Variants in FAM217A observed in about 807,000 individuals in gnomAD.
The protein encoded by FAM217A is protein FAM217A.
A neutral mutation model predicts 18.5 loss-of-function variants in FAM217A; 13 were observed. That is an observed-to-expected ratio of 0.70 (90% CI 0.46 to 1.12). The LOEUF (loss-of-function observed/expected upper bound fraction) is 1.12. Among genes scored for constraint, FAM217A ranks in the 50% most tolerant of loss-of-function variants. The pLI is 0.00. For synonymous variants in FAM217A, 161 were observed against 202.8 expected (o/e 0.79, Z 1.75); for missense variants, 560 against 575.4 (o/e 0.97, Z 0.27).
At chr6:4,080,715 T>C (rs997067018), upstream of FAM217A, among the ~76,000 whole-genome samples, 37 of 152,206 alleles carry the variant, frequency 2.4e-4, no homozygotes, top group African/African-American at 8.7e-4. Flanking sequence ...GCCCACTACA[T>C]GTCAAGCACA....
At chr6:4,076,002 C>G (rs1258467360) in intron 2 of FAM217A, among the ~76,000 whole-genome samples, 1 of 151,816 alleles carries the variant, frequency 6.6e-6, no homozygotes, top group East Asian at 1.9e-4. Context: ...ATAATAGTTG[C>G]AAAAAAATGC....
At chr6:4,070,950 T>C (rs1034294255) in intron 6 of FAM217A, among the ~76,000 whole-genome samples, 1 of 151,378 alleles carries the variant, frequency 6.6e-6, no homozygotes, top group Non-Finnish European at 1.5e-5. Context: ...AAGCCATGAC[T>C]GCACCACTAC....
At chr6:4,082,365 A>G (rs745472114), upstream of FAM217A, among the ~76,000 whole-genome samples, 12 of 152,210 alleles carry the variant, frequency 7.9e-5, no homozygotes, top group Admixed American at 2.6e-4. Flanking sequence ...CCTCAGAAAC[A>G]CGTTTTTCTC....
chr6:4,079,588 T>A (rs529263211), upstream of FAM217A: 811 of 1,287,158 alleles, frequency 6.3e-4, no homozygotes, highest in Non-Finnish European at 6.6e-4. Context: ...CTCCGCGACA[T>A]GGCCAGTGGG....
Position 4,068,585 on chromosome 6 carries a change from G to T in FAM217A, c.*111C>A. On this transcript the variant is annotated 3_prime_UTR_variant, in exon 7 of 7. Transcript: ENST00000274673. ...TCCATATCACATCAAGCAACTGTTT[G>T]GTGATTTTGGGGGACTGTTAATAGT... is the stretch of plus-strand genomic sequence containing the variant. 2 of 1,215,012 alleles carry T rather than the reference G, an allele frequency of 1.6e-6. No homozygotes were observed. Among genetic ancestry groups the T allele is most frequent in the Non-Finnish European group, 2.3e-6 (2 of 877,432 alleles). 75.3% of individuals were successfully genotyped at this position (1,215,012 alleles called of 1,614,324 possible).
At chr6:4,083,356 T>A (rs985170840), upstream of FAM217A, among the ~76,000 whole-genome samples, 1 of 152,218 alleles carries the variant, frequency 6.6e-6, no homozygotes, top group Non-Finnish European at 1.5e-5. Context: ...CAAAGATATG[T>A]CAGTAGCAAC....
chr6:4,077,326 ACACT>A, intron 2 of FAM217A, 25 bp downstream of exon 2: 3 of 1,613,064 alleles, frequency 1.9e-6, no homozygotes, highest in Non-Finnish European at 2.5e-6. Context: ...CGCTGCCCAA[ACACT>A]CAAGTTCAAC....
chr6:4,081,227 T>C (rs1770273753), upstream of FAM217A, among the ~76,000 whole-genome samples: 1 of 152,220 alleles, frequency 6.6e-6, no homozygotes, highest in South Asian at 2.1e-4. Flanking sequence ...TTATATGGAT[T>C]AACCAATGTA....
At chr6:4,074,110 C>CT (rs1769605011) in intron 4 of FAM217A, among the ~76,000 whole-genome samples, 1 of 152,146 alleles carries the variant, frequency 6.6e-6, no homozygotes, top group South Asian at 2.1e-4. Context: ...CCTCAGCCTC[C>CT]TAAAGTGCTG....
rs760169990 is a variant in FAM217A at position 4,069,006 on chromosome 6, G to C, written c.1217C>G (p.Ser406Cys). 1 of 1,613,772 alleles carries C rather than the reference G, an allele frequency of 6.2e-7. No homozygotes were observed. Among genetic ancestry groups the C allele is most frequent in the Non-Finnish European group, 8.5e-7 (1 of 1,179,928 alleles). ...GAGTTCTTGGCATGGACTTAAAATAGAACTTTTGGGATTCTTATCATAAGT... is the reference window on the plus strand; with the variant it reads ...GAGTTCTTGGCATGGACTTAAAATACAACTTTTGGGATTCTTATCATAAGT... ...IETYDKNPKS[S>C]ILSPCQELSF... is the part of the protein sequence containing the mutation. The change falls in exon 7 of 7, where the codon TCT (serine) becomes TGT (cysteine). Residue 406 changes from serine (S) to cysteine (C), a missense_variant. Physicochemically the swap from Ser to Cys is moderately radical, Grantham distance 112 (BLOSUM62 -1). Coordinates refer to ENST00000274673, the MANE Select transcript of FAM217A (RefSeq NM_173563.3).
At chr6:4,086,315 G>A (rs1253893935) in intron 1 of FAM217A, among the ~76,000 whole-genome samples, 7 of 151,760 alleles carry the variant, frequency 4.6e-5, no homozygotes, top group Non-Finnish European at 1.0e-4. Flanking sequence ...GCATGGTGGC[G>A]CATGCCTGTA....
intron 1 of FAM217A, 137 bp from the exon 2 acceptor site, chr6:4,077,585 G>A (rs376681667): frequency 9.4e-6 from 7 of 741,218 alleles, no homozygotes; most frequent in Non-Finnish European, 1.6e-5. Flanking sequence ...GGAGAGCAGG[G>A]TGGGGGTGAC....
At chr6:4,082,067 T>C (rs1770338182), upstream of FAM217A, among the ~76,000 whole-genome samples, 1 of 152,226 alleles carries the variant, frequency 6.6e-6, no homozygotes, top group African/African-American at 2.4e-5. Context: ...CTCTGGAGAC[T>C]TTTGAATGCT....
upstream of FAM217A, among the ~76,000 whole-genome samples, chr6:4,083,951 A>C (rs951187118): frequency 1.3e-5 from 2 of 152,210 alleles, no homozygotes; most frequent in Admixed American, 1.3e-4. Flanking sequence ...CTCAAATAAG[A>C]TGCTAAGTCA....
intron 2 of FAM217A, among the ~76,000 whole-genome samples, chr6:4,074,931 G>A (rs1232594235): frequency 1.3e-5 from 2 of 149,718 alleles, no homozygotes; most frequent in South Asian, 2.1e-4. Flanking sequence ...TAATAACACA[G>A]GTTTTCAAAA....
rs201980214 is a variant in FAM217A, at chr6:4,070,177, A to G, written c.303-257T>C. On this transcript the variant is annotated intron_variant, in intron 6 of 6. Coordinates refer to ENST00000274673, the MANE Select transcript of FAM217A (RefSeq NM_173563.3). Reference sequence around the variant, plus strand: ...CAAGCACAGGTGACTAGATTATGACACCTAAAACGGCTAACTGTAGCTGTG... The same window carrying G: ...CAAGCACAGGTGACTAGATTATGACGCCTAAAACGGCTAACTGTAGCTGTG... Among the ~76,000 whole-genome samples, 25 of 152,342 alleles carry G rather than the reference A, an allele frequency of 1.6e-4. No homozygotes were observed. In the East Asian group the frequency reaches 4.4e-3, roughly 27 times the overall value.
chr6:4,075,627 A>C (rs1021872677), intron 2 of FAM217A, among the ~76,000 whole-genome samples: 1 of 152,226 alleles, frequency 6.6e-6, no homozygotes, highest in African/African-American at 2.4e-5. Context: ...TGGAAAACAG[A>C]AAGTGAAGAG....
intron 6 of FAM217A, among the ~76,000 whole-genome samples, chr6:4,071,067 T>C (rs2113858093): frequency 6.6e-6 from 1 of 152,194 alleles, no homozygotes; most frequent in African/African-American, 2.4e-5. Context: ...TGCTTTGCCT[T>C]TGAAAAACCA....
intron 2 of FAM217A, among the ~76,000 whole-genome samples, chr6:4,076,803 G>A (rs1463314463): frequency 6.6e-6 from 1 of 152,194 alleles, no homozygotes; most frequent in African/African-American, 2.4e-5. Context: ...GGGAGGTGGG[G>A]GTTATAGTGA....
Sources: gnomAD v4.1 joint callset for allele counts (sites outside exome capture counted in the v4.1 genomes callset) on GRCh38, gnomAD v4.1.1 for gene constraint, MANE v1.5 for transcripts, NCBI Gene and HGNC (gene_info 2026-07-23, HGNC 2026-07-21) for gene names.